Variants in KLKB1 observed in about 807,000 individuals in gnomAD.
KLKB1 encodes the protein kallikrein B1, also known as plasma kallikrein.
KLKB1 carries 58 observed loss-of-function variants against 73.6 expected under a neutral mutation model. The observed-to-expected ratio is 0.79, with a 90% CI of 0.64 to 0.98. The LOEUF is 0.98. KLKB1 is among the 50% of genes least tolerant of loss of function. The pLI is 0.00. For synonymous variants in KLKB1, 280 were observed against 258.1 expected (o/e 1.08, Z -0.81); for missense variants, 737 against 763.8 (o/e 0.96, Z 0.41).
At chr4:186,248,213 A>C (rs949008596) in intron 6 of KLKB1, among the ~76,000 whole-genome samples, 2 of 151,956 alleles carry the variant, frequency 1.3e-5, no homozygotes, top group African/African-American at 2.4e-5. Flanking sequence ...GCGCCACTGC[A>C]CTCCAGCCTG....
intron 2 of KLKB1, among the ~76,000 whole-genome samples, chr4:186,217,647 G>A (rs12639909): frequency 0.15 from 22,401 of 152,138 alleles, 1,873 homozygotes; most frequent in East Asian, 0.31. Context: ...GGTCATTGTG[G>A]TCTTTAAATA....
intron 6 of KLKB1, among the ~76,000 whole-genome samples, chr4:186,248,924 C>T (rs549262974): frequency 1.7e-4 from 26 of 152,250 alleles, no homozygotes; most frequent in African/African-American, 6.3e-4. Flanking sequence ...TAATGACTAA[C>T]AATGTTGTGT....
At chr4:186,223,752 A>G (rs1737081535), upstream of KLKB1, among the ~76,000 whole-genome samples, 1 of 152,224 alleles carries the variant, frequency 6.6e-6, no homozygotes, top group Non-Finnish European at 1.5e-5. Context: ...TTGCAGCCTG[A>G]CCATGTGGTA....
At chr4:186,254,843 C>T (rs1738901458) in intron 12 of KLKB1, 80 bp downstream of exon 12, 3 of 1,266,098 alleles carry the variant, frequency 2.4e-6, no homozygotes, top group Non-Finnish European at 3.4e-6. Flanking sequence ...AGAGGGCAGA[C>T]CTAGAGAGAC....
At chr4:186,229,552 T>C (rs4253336) in intron 2 of KLKB1, among the ~76,000 whole-genome samples, 3,686 of 152,264 alleles carry the variant, frequency 0.024, 155 homozygotes, top group African/African-American at 0.085. Flanking sequence ...TTCTGTAGAA[T>C]ACAATTTTTG....
Position 186,258,327 on chromosome 4 carries a change from C to A in KLKB1, c.*115C>A, listed in dbSNP as rs1021141672. The A allele has an allele frequency of 8.5e-6, 8 of 936,718 alleles. No homozygotes were observed. The highest frequency in any genetic ancestry group is 1.4e-5 in the Non-Finnish European group (8 of 588,620). 58.0% of individuals were successfully genotyped at this position (936,718 alleles called of 1,614,324 possible). On this transcript the variant is annotated 3_prime_UTR_variant, in exon 15 of 15. Transcript: ENST00000264690. ...TGGCATCTTCTTTGCATCCTAAGGA[C>A]GAAAAACACAGTGCACTCAGAGCTG...
chr4:186,230,588 T>C (rs1434239832), intron 2 of KLKB1, among the ~76,000 whole-genome samples: 1 of 152,226 alleles, frequency 6.6e-6, no homozygotes, highest in Non-Finnish European at 1.5e-5. Context: ...GTCATCATTA[T>C]CATCATGATC....
chr4:186,247,319 C>T (rs1368828202), intron 6 of KLKB1, among the ~76,000 whole-genome samples: 3 of 150,750 alleles, frequency 2.0e-5, no homozygotes, highest in Admixed American at 6.7e-5. Context: ...AAAAGAGAGT[C>T]AGTGAAGGGA....
intron 5 of KLKB1, 100 bp downstream of exon 5, chr4:186,237,040 G>A: frequency 1.7e-6 from 2 of 1,175,922 alleles, no homozygotes; most frequent in Non-Finnish European, 2.5e-6. Context: ...AACCAAACAG[G>A]GCTTTTATTC....
intron 6 of KLKB1, among the ~76,000 whole-genome samples, chr4:186,243,804 GC>G (rs1253824200): frequency 2.6e-5 from 4 of 151,770 alleles, no homozygotes; most frequent in African/African-American, 9.8e-5. Flanking sequence ...AGGTAGTGGA[GC>G]GGGGCAGAGC....
intron 11 of KLKB1, among the ~76,000 whole-genome samples, chr4:186,253,081 A>T (rs1175700747): frequency 6.6e-6 from 1 of 152,202 alleles, no homozygotes; most frequent in Non-Finnish European, 1.5e-5. Context: ...TATGAATAGT[A>T]ATAGTCCCGA....
At chr4:186,224,891 A>T (rs1036336865), upstream of KLKB1, among the ~76,000 whole-genome samples, 7 of 152,168 alleles carry the variant, frequency 4.6e-5, no homozygotes, top group African/African-American at 1.7e-4. Flanking sequence ...CCCACATGGG[A>T]TTACATGGGA....
intron 3 of KLKB1, 84 bp downstream of exon 3, chr4:186,232,373 G>A (rs549102630): frequency 7.7e-7 from 1 of 1,292,398 alleles, no homozygotes; most frequent in Non-Finnish European, 1.1e-6. Flanking sequence ...ATAACTGAGA[G>A]TTCTTCCTCA....
At chr4:186,225,935 C>T (rs976667247), upstream of KLKB1, among the ~76,000 whole-genome samples, 1 of 151,986 alleles carries the variant, frequency 6.6e-6, no homozygotes, top group South Asian at 2.1e-4. Context: ...TAAGTCTTGT[C>T]AGCTTTCTGC....
At chr4:186,225,844 A>T (rs565413477), upstream of KLKB1, among the ~76,000 whole-genome samples, 1 of 152,138 alleles carries the variant, frequency 6.6e-6, no homozygotes, top group African/African-American at 2.4e-5. Flanking sequence ...TTATTTTTTT[A>T]AATAAGTTTC....
At chr4:186,243,817 G>A (rs1580012561) in intron 6 of KLKB1, among the ~76,000 whole-genome samples, 1 of 152,244 alleles carries the variant, frequency 6.6e-6, no homozygotes, top group Non-Finnish European at 1.5e-5. Context: ...GGGCAGAGCA[G>A]TAGCCTCAGT....
At chr4:186,235,686 G>A (rs946226956) in intron 4 of KLKB1, among the ~76,000 whole-genome samples, 7 of 152,140 alleles carry the variant, frequency 4.6e-5, no homozygotes, top group African/African-American at 1.4e-4. Flanking sequence ...CTTCTTAGGA[G>A]TGGAAAGGTA....
chr4:186,213,289 A>G (rs1391916195), intron 2 of KLKB1: 6 of 152,242 alleles, frequency 3.9e-5, no homozygotes, highest in Non-Finnish European at 8.8e-5. Context: ...TGTGCCCATT[A>G]CCTTTCCTCT....
chr4:186,236,045 C>T (rs1048135372), intron 4 of KLKB1, among the ~76,000 whole-genome samples: 4 of 143,276 alleles, frequency 2.8e-5, no homozygotes, highest in Admixed American at 7.3e-5. Flanking sequence ...ACCCGGGAGG[C>T]GGAGCTTGCA....
Sources: gnomAD v4.1 joint callset for allele counts (sites outside exome capture counted in the v4.1 genomes callset) on GRCh38, gnomAD v4.1.1 for gene constraint, MANE v1.5 for transcripts, NCBI Gene and HGNC (gene_info 2026-07-23, HGNC 2026-07-21) for gene names.